Variants in KCNH8 observed in about 807,000 individuals in gnomAD.
KCNH8 encodes the protein potassium voltage-gated channel subfamily H member 8, also known as voltage-gated delayed rectifier potassium channel KCNH8.
KCNH8 carries 70 observed loss-of-function variants against 103.6 expected under a neutral mutation model. The ratio of observed to expected loss-of-function variants is 0.68; its 90% CI spans 0.56 to 0.82. The LOEUF (loss-of-function observed/expected upper bound fraction) is 0.82, where lower values mean the gene tolerates loss of function less well. Ranked by LOEUF, KCNH8 falls within the 40% of genes least tolerant of loss-of-function variation. KCNH8 has a pLI of 0.00. For missense variants in KCNH8, 1,217 were observed against 1,329.9 expected (o/e 0.92, Z 1.32); for synonymous variants, 498 against 489.4 (o/e 1.02, Z -0.23).
intron 1 of KCNH8, among the ~76,000 whole-genome samples, chr3:19,171,636 T>C (rs964642222): frequency 2.0e-5 from 3 of 152,210 alleles, no homozygotes; most frequent in African/African-American, 4.8e-5. Context: ...GATTACTAGA[T>C]CCACTTAAAT....
chr3:19,304,690 G>T (rs1487703906), intron 3 of KCNH8, among the ~76,000 whole-genome samples: 2 of 151,972 alleles, frequency 1.3e-5, no homozygotes, highest in Non-Finnish European at 2.9e-5. Context: ...AAAATTAGAG[G>T]ACTATCAAGG....
chr3:19,201,272 A>G (rs989587230), intron 1 of KCNH8, among the ~76,000 whole-genome samples: 10 of 147,334 alleles, frequency 6.8e-5, no homozygotes, highest in Non-Finnish European at 1.0e-4. Flanking sequence ...AGAAAAGAAA[A>G]TTATAGTAAA....
chr3:19,470,854 A>G (rs1006310284), intron 11 of KCNH8, among the ~76,000 whole-genome samples: 2 of 152,224 alleles, frequency 1.3e-5, no homozygotes, highest in African/African-American at 4.8e-5. Context: ...TAAAAAATAT[A>G]TTAAAATAAA....
chr3:19,417,588 A>C (rs537727521), intron 7 of KCNH8, among the ~76,000 whole-genome samples: 1 of 152,152 alleles, frequency 6.6e-6, no homozygotes, highest in South Asian at 2.1e-4. Context: ...TCAATCCTTC[A>C]AACAGAATTT....
chr3:19,361,549 C>T (rs552738519), intron 5 of KCNH8, among the ~76,000 whole-genome samples: 1 of 152,212 alleles, frequency 6.6e-6, no homozygotes, highest in South Asian at 2.1e-4. Context: ...CAATACCAAC[C>T]ATGGGAGATA....
At chr3:19,417,555 T>C (rs1183773186) in intron 7 of KCNH8, among the ~76,000 whole-genome samples, 1 of 152,002 alleles carries the variant, frequency 6.6e-6, no homozygotes, top group African/African-American at 2.4e-5. Context: ...GGGAAAATCA[T>C]TTAAATGTAA....
chr3:19,313,389 A>G (rs2065231240), intron 3 of KCNH8, among the ~76,000 whole-genome samples: 3 of 151,898 alleles, frequency 2.0e-5, no homozygotes. Context: ...TTGCCTCCCT[A>G]ACTGCAATTT....
intron 11 of KCNH8, among the ~76,000 whole-genome samples, chr3:19,502,685 C>T (rs1482938160): frequency 6.6e-6 from 1 of 151,554 alleles, no homozygotes; most frequent in African/African-American, 2.4e-5. Context: ...GAAAGGATTC[C>T]CTATTTAATA....
intron 2 of KCNH8, among the ~76,000 whole-genome samples, chr3:19,263,164 C>G (rs182894090): frequency 6.6e-6 from 1 of 151,978 alleles, no homozygotes; most frequent in Admixed American, 6.6e-5. Context: ...GACATTTCCT[C>G]TGAGTGTTAG....
chr3:19,414,294 A>G (rs1014952638), intron 7 of KCNH8, among the ~76,000 whole-genome samples: 2 of 152,132 alleles, frequency 1.3e-5, no homozygotes, highest in Admixed American at 6.6e-5. Context: ...ATATTTACTG[A>G]TAAGTAGGAA....
chr3:19,415,120 A>G (rs1162505221), intron 7 of KCNH8, among the ~76,000 whole-genome samples: 1 of 151,952 alleles, frequency 6.6e-6, no homozygotes, highest in Non-Finnish European at 1.5e-5. Context: ...TGTCTCATTA[A>G]CTTCTATGTG....
intron 12 of KCNH8, among the ~76,000 whole-genome samples, chr3:19,510,631 C>G (rs897673267): frequency 1.3e-5 from 2 of 152,232 alleles, no homozygotes; most frequent in East Asian, 3.9e-4. Context: ...CAGTTTGTTA[C>G]CAAAACATGC....
At chr3:19,177,450 T>C (rs2063411392) in intron 1 of KCNH8, among the ~76,000 whole-genome samples, 1 of 152,104 alleles carries the variant, frequency 6.6e-6, no homozygotes, top group African/African-American at 2.4e-5. Flanking sequence ...TATTTTCTAT[T>C]ATGTTCTATC....
At chr3:19,328,794 G>A (rs555885688) in intron 3 of KCNH8, among the ~76,000 whole-genome samples, 1 of 152,200 alleles carries the variant, frequency 6.6e-6, no homozygotes, top group African/African-American at 2.4e-5. Context: ...CTAAGCATTA[G>A]AACAAAATAG....
intron 7 of KCNH8, among the ~76,000 whole-genome samples, chr3:19,409,004 T>A (rs1446378974): frequency 6.6e-6 from 1 of 151,908 alleles, no homozygotes; most frequent in African/African-American, 2.4e-5. Context: ...AATTCAGATA[T>A]AAGAAATTCA....
Position 19,451,142 on chromosome 3 carries a change from T to C in KCNH8, c.1576-13T>C. The C allele has an allele frequency of 1.2e-6, 2 of 1,613,134 alleles. No homozygotes were observed. Among genetic ancestry groups the C allele is most frequent in the Non-Finnish European group, 8.5e-7 (1 of 1,179,194 alleles). On this transcript the variant is annotated splice_polypyrimidine_tract_variant and intron_variant, in intron 9 of 15. Transcript: ENST00000328405. Reference sequence around the variant, plus strand: ...TACCCCAATTTGATTTCCTCCTTCATCTTCTCTGACAGCTTTTGAAAGACT... The same window carrying C: ...TACCCCAATTTGATTTCCTCCTTCACCTTCTCTGACAGCTTTTGAAAGACT...
At chr3:19,524,601 AC>A (rs983393706) in intron 15 of KCNH8, among the ~76,000 whole-genome samples, 1 of 151,826 alleles carries the variant, frequency 6.6e-6, no homozygotes, top group Non-Finnish European at 1.5e-5. Flanking sequence ...AGAAAAAAAA[AC>A]GTATGTCATT....
intron 7 of KCNH8, among the ~76,000 whole-genome samples, chr3:19,402,656 G>T (rs1056433880): frequency 6.6e-6 from 1 of 151,864 alleles, no homozygotes; most frequent in Non-Finnish European, 1.5e-5. Flanking sequence ...TGTTCTCCAC[G>T]ATACTGATCC....
chr3:19,474,792 G>C (rs2125206956), intron 11 of KCNH8, among the ~76,000 whole-genome samples: 1 of 152,276 alleles, frequency 6.6e-6, no homozygotes, highest in Non-Finnish European at 1.5e-5. Flanking sequence ...CATTTTGCCA[G>C]CATTCATAAA....
Sources: allele counts gnomAD v4.1 joint callset (sites outside exome capture counted in the v4.1 genomes callset), GRCh38; gene constraint gnomAD v4.1.1; transcripts MANE v1.5; gene names NCBI Gene and HGNC (gene_info 2026-07-23, HGNC 2026-07-21).